SHOC2: variants seen among roughly 807,000 people sequenced by gnomAD.
SHOC2 encodes the protein SHOC2 leucine rich repeat scaffold protein.
Under a neutral mutation model 50.2 loss-of-function variants are expected in SHOC2, and 4 were observed. The ratio of observed to expected loss-of-function variants is 0.08; its 90% confidence interval spans 0.04 to 0.18. The LOEUF (loss-of-function observed/expected upper bound fraction) is 0.18. Ranked by LOEUF, SHOC2 falls within the 10% of genes least tolerant of loss-of-function variation. The pLI is 1.00. For missense variants in SHOC2, 388 were observed against 669.6 expected (o/e 0.58, Z 4.64); for synonymous variants, 218 against 244.5 (o/e 0.89, Z 1.01).
rs754709778 is a variant in SHOC2, at chr10:110,964,527, T to C, written c.169T>C (p.Ser57Pro). The part of the protein sequence containing the change: ...GKDAKDGKKD[S>P]SAAQPGVAFS... The stretch of plus-strand genomic sequence containing the variant: ...AGATGCCAAAGATGGAAAGAAGGAC[T>C]CCAGTGCTGCCCAACCAGGGGTGGC... Residue 57 changes from serine to proline, a missense_variant, in exon 2 of 9, where the codon TCC becomes CCC. Physicochemically the swap from Ser to Pro is moderately conservative, Grantham distance 74 (BLOSUM62 -1). This residue lies in a region of SHOC2 where 121 missense variants were observed against 145.5 expected (regional missense o/e 0.83). Transcript: ENST00000369452. The surrounding 1 kb of genome is among the most constrained non-coding windows in gnomAD (Gnocchi z 4.9). 5.6e-6 allele frequency: 9 copies of C among 1,613,814 alleles called. No homozygotes were observed. In the Admixed American group the frequency reaches 1.0e-4, roughly 18 times the overall value.
At chr10:111,004,191 A>G (rs547758032) in intron 4 of SHOC2, among the ~76,000 whole-genome samples, 2 of 152,330 alleles carry the variant, frequency 1.3e-5, no homozygotes, top group South Asian at 4.1e-4. Flanking sequence ...GATTGGTCAC[A>G]CAGCCAGTGG....
chr10:110,929,502 A>G (rs1042531135), intron 1 of SHOC2, among the ~76,000 whole-genome samples: 2 of 152,224 alleles, frequency 1.3e-5, no homozygotes, highest in African/African-American at 2.4e-5. Flanking sequence ...TTGAACTGCT[A>G]TAATAAAATA....
chr10:110,996,041 G>A (rs1041315616), intron 3 of SHOC2, among the ~76,000 whole-genome samples: 3 of 152,112 alleles, frequency 2.0e-5, no homozygotes, highest in Non-Finnish European at 2.9e-5. Flanking sequence ...AAGTATTATA[G>A]TTATTTGTGA....
intron 3 of SHOC2, among the ~76,000 whole-genome samples, chr10:111,000,007 C>T (rs1015662351): frequency 2.6e-5 from 4 of 151,994 alleles, no homozygotes; most frequent in African/African-American, 9.7e-5. Context: ...TCCAAAATTA[C>T]GTGTACATAC....
chr10:110,946,473 A>G (rs1177908968), intron 1 of SHOC2, among the ~76,000 whole-genome samples: 1 of 151,572 alleles, frequency 6.6e-6, no homozygotes, highest in Non-Finnish European at 1.5e-5. Flanking sequence ...GATAGACAAA[A>G]TAAATAAGTA....
At chr10:110,930,481 T>A (rs183495598) in intron 1 of SHOC2, among the ~76,000 whole-genome samples, 246 of 152,290 alleles carry the variant, frequency 1.6e-3, no homozygotes, top group African/African-American at 5.7e-3. Context: ...AATTAACAGT[T>A]TTTAGTTTAA....
intron 3 of SHOC2, 195 bp downstream of exon 3, chr10:110,985,960 G>A (rs190139834): frequency 1.8e-6 from 1 of 555,902 alleles, no homozygotes; most frequent in Non-Finnish European, 3.2e-6. Flanking sequence ...TTTAGGAAAT[G>A]AGCCCAATGG....
chr10:110,986,349 T>C (rs912239845), intron 3 of SHOC2, among the ~76,000 whole-genome samples: 1 of 152,228 alleles, frequency 6.6e-6, no homozygotes, highest in African/African-American at 2.4e-5. Flanking sequence ...AAAGTGAATT[T>C]TAAAAATTCT....
At chr10:110,967,192 C>A (rs970901561) in intron 2 of SHOC2, among the ~76,000 whole-genome samples, 30 of 152,142 alleles carry the variant, frequency 2.0e-4, no homozygotes, top group African/African-American at 7.0e-4. Context: ...TTTCCCCATG[C>A]TACTGAAGAA....
intron 1 of SHOC2, among the ~76,000 whole-genome samples, chr10:110,962,478 TG>T (rs1165212775): frequency 4.6e-5 from 7 of 152,196 alleles, no homozygotes; most frequent in Admixed American, 3.3e-4. Flanking sequence ...TCTTTTTTTT[TG>T]AAAGGGTTGA....
intron 3 of SHOC2, among the ~76,000 whole-genome samples, chr10:110,986,475 T>A (rs2134150262): frequency 6.6e-6 from 1 of 152,264 alleles, no homozygotes; most frequent in African/African-American, 2.4e-5. Flanking sequence ...TTTAATTTTT[T>A]AATTTTTATT....
intron 1 of SHOC2, among the ~76,000 whole-genome samples, chr10:110,955,224 C>T (rs1019022250): frequency 2.0e-5 from 3 of 152,110 alleles, no homozygotes; most frequent in South Asian, 2.1e-4. Context: ...AAGAGAGAGA[C>T]GATGAGAGCT....
chr10:111,009,092 A>T (rs7904892), intron 6 of SHOC2, among the ~76,000 whole-genome samples, 156 bp from the exon 7 acceptor site: 1 of 151,862 alleles, frequency 6.6e-6, no homozygotes, highest in East Asian at 1.9e-4. Context: ...TTTTTAGAAA[A>T]GTAAGTTAAA....
chr10:110,938,799 A>G (rs1009809464), intron 1 of SHOC2, among the ~76,000 whole-genome samples: 10 of 152,246 alleles, frequency 6.6e-5, no homozygotes, highest in Non-Finnish European at 4.4e-5. Flanking sequence ...ATATTTTCAG[A>G]TCAGTGTGTT....
At chr10:110,985,790 G>C (rs771410193) in intron 3 of SHOC2, 25 bp downstream of exon 3, 1 of 1,600,864 alleles carries the variant, frequency 6.2e-7, no homozygotes, top group South Asian at 1.1e-5. Context: ...AGGAGATATT[G>C]ATAGCTGTTA....
In SHOC2 at chr10:111,003,618, A is replaced by G. The variant is rs571415485; in HGVS notation, c.973-988A>G. On this transcript the variant is annotated intron_variant, in intron 4 of 8. Transcript: ENST00000369452. ...TGCCAAAGTCACAAGCTATTTAAAG[A>G]TAGAGTCAGGATTCAAAACAGTTTA... is the stretch of plus-strand genomic sequence containing the variant. 4.6e-5 allele frequency among the ~76,000 whole-genome samples: 7 copies of G among 152,296 alleles called. No individual in the cohort carries two copies. In the South Asian group the frequency reaches 1.2e-3, roughly 27 times the overall value.
chr10:110,956,316 T>G (rs1420450297), intron 1 of SHOC2, among the ~76,000 whole-genome samples: 5 of 152,044 alleles, frequency 3.3e-5, no homozygotes, highest in African/African-American at 1.2e-4. Context: ...CGGGTTCAAG[T>G]GATTCTCCTG....
intron 3 of SHOC2, among the ~76,000 whole-genome samples, chr10:110,986,811 C>A (rs990144088): frequency 5.3e-5 from 8 of 152,118 alleles, no homozygotes; most frequent in African/African-American, 1.9e-4. Context: ...ATTACTAAAT[C>A]ATTTGAGGCC....
At chr10:110,925,432 A>G (rs887051681) in intron 1 of SHOC2, among the ~76,000 whole-genome samples, 1 of 151,560 alleles carries the variant, frequency 6.6e-6, no homozygotes, top group African/African-American at 2.4e-5. Context: ...TCTCTTTTTC[A>G]CGCTTTTTTT....
Sources: allele counts gnomAD v4.1 joint callset (sites outside exome capture counted in the v4.1 genomes callset), GRCh38; gene constraint gnomAD v4.1.1; regional missense constraint gnomAD v4.1.1; non-coding constraint Gnocchi (gnomAD v3.1); transcripts MANE v1.5; gene names NCBI Gene and HGNC (gene_info 2026-07-23, HGNC 2026-07-21).